The following MCPH1 variants were observed in gnomAD, a reference collection of about 807,000 sequenced individuals.
The protein encoded by MCPH1 is microcephalin 1, also known as microcephalin.
A neutral mutation model predicts 84.5 loss-of-function variants in MCPH1; 104 were observed. That is an observed-to-expected ratio of 1.23 (90% CI 1.05 to 1.45). The LOEUF (loss-of-function observed/expected upper bound fraction) is 1.45, where lower values mean the gene tolerates loss of function less well. Ranked by LOEUF, MCPH1 falls within the 40% of genes most tolerant of loss-of-function variation. The probability of loss-of-function intolerance (pLI) is 0.00; values close to 1 mark genes in which losing one functional copy is unlikely to be tolerated. For synonymous variants in MCPH1, 514 were observed against 366.8 expected, an observed-to-expected ratio of 1.40 and a Z score of -4.58; for missense variants, 1,498 against 1,005.7, an observed-to-expected ratio of 1.49 and a Z score of -6.62.
chr8:6,625,681 T>C (rs1378828487), intron 13 of MCPH1: 3 of 984,096 alleles, frequency 3.0e-6, no homozygotes, highest in African/African-American at 3.5e-5. Context: ...CCTGTTGTCT[T>C]AGCTACGTGG....
intron 13 of MCPH1, chr8:6,626,331 G>A (rs916858217): frequency 8.1e-6 from 8 of 985,170 alleles, no homozygotes; most frequent in Non-Finnish European, 9.6e-6. Flanking sequence ...TAATAACGGG[G>A]TTATCGGAAA....
intron 12 of MCPH1, among the ~76,000 whole-genome samples, chr8:6,581,932 C>G (rs1827598100): frequency 6.6e-6 from 1 of 152,182 alleles, no homozygotes; most frequent in Non-Finnish European, 1.5e-5. Flanking sequence ...TATAAGGACA[C>G]TAATCCCATT....
intron 5 of MCPH1, among the ~76,000 whole-genome samples, chr8:6,437,692 C>T (rs1802870241): frequency 6.6e-6 from 1 of 152,162 alleles, no homozygotes; most frequent in Non-Finnish European, 1.5e-5. Context: ...TCCTTCACAC[C>T]AGCTGTCTCG....
chr8:6,523,741 C>G (rs1234790541), intron 12 of MCPH1, among the ~76,000 whole-genome samples: 1 of 152,144 alleles, frequency 6.6e-6, no homozygotes, highest in African/African-American at 2.4e-5. Context: ...AGGTGTGCCA[C>G]CACGCCCAGC....
chr8:6,574,725 T>G (rs578235656), intron 12 of MCPH1, among the ~76,000 whole-genome samples: 1 of 152,198 alleles, frequency 6.6e-6, no homozygotes, highest in South Asian at 2.1e-4. Flanking sequence ...AAACGAGTCA[T>G]CCCAGGTGTA....
intron 12 of MCPH1, among the ~76,000 whole-genome samples, chr8:6,548,241 A>C (rs1371664705): frequency 6.6e-6 from 1 of 152,158 alleles, no homozygotes; most frequent in African/African-American, 2.4e-5. Flanking sequence ...GGCTTTGTCC[A>C]AAATGCCTTT....
intron 12 of MCPH1, among the ~76,000 whole-genome samples, chr8:6,529,856 A>G (rs2129571247): frequency 1.3e-5 from 2 of 148,814 alleles, no homozygotes; most frequent in Admixed American, 1.4e-4. Context: ...ATCCTGGATA[A>G]CATGATATCT....
At chr8:6,491,054 T>G (rs1810511613) in intron 11 of MCPH1, among the ~76,000 whole-genome samples, 1 of 105,766 alleles carries the variant, frequency 9.5e-6, no homozygotes, top group Non-Finnish European at 2.2e-5. Flanking sequence ...AAAATAAAAT[T>G]TATCAAAAAA....
At chr8:6,509,187 C>T (rs975315177) in intron 12 of MCPH1, 2 of 1,234,414 alleles carry the variant, frequency 1.6e-6, no homozygotes, top group East Asian at 4.8e-5. Flanking sequence ...TGGACTAATG[C>T]ATACTCTGGA....
rs530902707 is a variant in MCPH1, at chr8:6,611,909, C to T, written c.2215-9545C>T. Among the ~76,000 whole-genome samples the T allele has an allele frequency of 2.3e-4, 35 of 152,334 alleles. No individual in the cohort carries two copies. In the South Asian group the frequency reaches 5.0e-3, roughly 22 times the overall value. ...CTGGGATTACAGGCGTGAGCCACCG[C>T]GCCCGGCCTGACGTCGGGATTTTTA... On this transcript the variant is annotated intron_variant, in intron 12 of 13. Transcript: ENST00000344683.
At chr8:6,454,749 A>G (rs970198086) in intron 8 of MCPH1, among the ~76,000 whole-genome samples, 1 of 152,158 alleles carries the variant, frequency 6.6e-6, no homozygotes, top group Non-Finnish European at 1.5e-5. Flanking sequence ...TCTCAAACTG[A>G]CCCCAAAAGT....
At chr8:6,636,210 C>T (rs1797543647) in intron 13 of MCPH1, among the ~76,000 whole-genome samples, 1 of 151,906 alleles carries the variant, frequency 6.6e-6, no homozygotes, top group African/African-American at 2.4e-5. Context: ...CGTGATGGCA[C>T]ATGCATGTAG....
chr8:6,446,855 G>A, intron 8 of MCPH1: 6 of 985,290 alleles, frequency 6.1e-6, no homozygotes, highest in Non-Finnish European at 6.0e-6. Flanking sequence ...TCGGAAGCAG[G>A]TGTGTTATGT....
intron 3 of MCPH1, among the ~76,000 whole-genome samples, chr8:6,418,518 C>G (rs983466975): frequency 1.3e-5 from 2 of 152,096 alleles, no homozygotes; most frequent in African/African-American, 2.4e-5. Flanking sequence ...CATCTGATGC[C>G]AGTCTAATTC....
At chr8:6,420,146 C>T (rs1799956119) in intron 3 of MCPH1, among the ~76,000 whole-genome samples, 1 of 151,516 alleles carries the variant, frequency 6.6e-6, no homozygotes, top group South Asian at 2.1e-4. Context: ...TTTTTCACTG[C>T]CATTGGTTCA....
intron 8 of MCPH1, among the ~76,000 whole-genome samples, chr8:6,453,410 A>G (rs1805309208): frequency 6.6e-6 from 1 of 150,576 alleles, no homozygotes. Context: ...TTTTTTTTTA[A>G]TATCAGTCTT....
In MCPH1 at chr8:6,456,855, G is replaced by T. The variant is rs145534903; in HGVS notation, c.1935+1603G>T. Among the ~76,000 whole-genome samples the T allele has an allele frequency of 3.4e-3, 518 of 152,274 alleles. 1 individual carries two copies. Among genetic ancestry groups the T allele is most frequent in the Non-Finnish European group, 5.2e-3 (353 of 68,028 alleles). On this transcript the variant is annotated intron_variant, in intron 9 of 13. Coordinates refer to ENST00000344683, the MANE Select transcript of MCPH1 (RefSeq NM_024596.5). ...CCTGAATCTGATGGGCTGGGTCTGT[G>T]GAAGCACTGGGTTAGGGACAGGCAT...
At chr8:6,422,784 G>C (rs970744949) in intron 3 of MCPH1, among the ~76,000 whole-genome samples, 1 of 152,068 alleles carries the variant, frequency 6.6e-6, no homozygotes, top group African/African-American at 2.4e-5. Context: ...CGCCTCCTGG[G>C]TTCATGCCAT....
At chr8:6,553,276 C>A (rs1467432874) in intron 12 of MCPH1, among the ~76,000 whole-genome samples, 1 of 152,102 alleles carries the variant, frequency 6.6e-6, no homozygotes, top group South Asian at 2.1e-4. Context: ...AAAACATAGT[C>A]TTTTAAAAAA....
Sources: gnomAD v4.1 joint callset for allele counts (sites outside exome capture counted in the v4.1 genomes callset) on GRCh38, gnomAD v4.1.1 for gene constraint, MANE v1.5 for transcripts, NCBI Gene and HGNC (gene_info 2026-07-23, HGNC 2026-07-21) for gene names.